The following HIPK3 variants were observed in gnomAD, a reference collection of about 807,000 sequenced individuals.
The protein encoded by HIPK3 is homeodomain interacting protein kinase 3.
A neutral mutation model predicts 124.2 loss-of-function variants in HIPK3; 47 were observed. The ratio of observed to expected loss-of-function variants is 0.38; its 90% CI spans 0.30 to 0.48. The LOEUF is 0.48. Ranked by LOEUF, HIPK3 falls within the 20% of genes least tolerant of loss-of-function variation. The probability of loss-of-function intolerance (pLI) is 0.98; values close to 1 mark genes in which losing one functional copy is unlikely to be tolerated. For synonymous variants in HIPK3, 482 were observed against 515.2 expected, an observed-to-expected ratio of 0.94 and a Z score of 0.87; for missense variants, 1,286 against 1,454.3, an observed-to-expected ratio of 0.88 and a Z score of 1.88.
intron 2 of HIPK3, among the ~76,000 whole-genome samples, chr11:33,321,134 T>G (rs1211655537): frequency 6.6e-6 from 1 of 152,134 alleles, no homozygotes; most frequent in Non-Finnish European, 1.5e-5. Flanking sequence ...AACGAAGAGT[T>G]CTGGTGCCCT....
chr11:33,311,975 T>TACACACACACACACACAC (rs71034672), intron 2 of HIPK3, among the ~76,000 whole-genome samples: 1,446 of 136,918 alleles, frequency 0.011, 17 homozygotes, highest in Middle Eastern at 0.02. Flanking sequence ...ACCCTGTTTC[T>TACACACACACACACACAC]ACACACACAC....
At chr11:33,348,275 G>T (rs777124691) in intron 12 of HIPK3, 47 bp downstream of exon 12, 1 of 1,531,202 alleles carries the variant, frequency 6.5e-7, no homozygotes, top group Non-Finnish European at 9.0e-7. Context: ...TACCTGTAAT[G>T]TAGCAATTGT....
chr11:33,343,247 T>TTG (rs3884092), intron 8 of HIPK3, among the ~76,000 whole-genome samples: 17,949 of 141,292 alleles, frequency 0.13, 1,214 homozygotes, highest in East Asian at 0.16. Context: ...TTATTTGATT[T>TTG]TGTGTGTGTG....
intron 2 of HIPK3, among the ~76,000 whole-genome samples, chr11:33,324,377 A>C (rs1852750378): frequency 6.6e-6 from 1 of 152,234 alleles, no homozygotes; most frequent in Admixed American, 6.5e-5. Context: ...TAGAAAATGC[A>C]TGGCATGCTA....
rs1275863361 is a variant in HIPK3, at chr11:33,335,233, CA to C, written c.1222-1839del. ...GGGCCTGGAGCTCCAGAGCTAGAGC[CA>C]AAGATTGAGGCGCAGATTTAGAGAT... On this transcript the variant is annotated intron_variant, in intron 3 of 16. Transcript: ENST00000303296. Among the ~76,000 whole-genome samples, 4 of 151,900 alleles carry C rather than the reference CA, an allele frequency of 2.6e-5. No homozygotes were observed. In the East Asian group the frequency reaches 7.7e-4, roughly 29 times the overall value.
At chr11:33,305,221 C>T (rs1367055047) in intron 2 of HIPK3, among the ~76,000 whole-genome samples, 4 of 152,110 alleles carry the variant, frequency 2.6e-5, no homozygotes, top group Non-Finnish European at 2.9e-5. Context: ...AGGTTGGTCT[C>T]GAACTCCTGA....
chr11:33,297,235 A>G (rs1590371249), intron 2 of HIPK3, among the ~76,000 whole-genome samples: 1 of 152,164 alleles, frequency 6.6e-6, no homozygotes, highest in East Asian at 1.9e-4. Flanking sequence ...CTGGGATTAC[A>G]GGTGCACACC....
At chr11:33,343,043 G>A (rs1270009951) in intron 8 of HIPK3, among the ~76,000 whole-genome samples, 1 of 152,112 alleles carries the variant, frequency 6.6e-6, no homozygotes, top group African/African-American at 2.4e-5. Context: ...GTCCAACTTA[G>A]TGGTGATACT....
At chr11:33,340,583 C>G (rs1039023469) in intron 6 of HIPK3, among the ~76,000 whole-genome samples, 1 of 152,136 alleles carries the variant, frequency 6.6e-6, no homozygotes, top group African/African-American at 2.4e-5. Context: ...CTTAAAATGT[C>G]CTAATGTTTT....
At chr11:33,280,102 A>T (rs1295392465) in intron 1 of HIPK3, among the ~76,000 whole-genome samples, 11 of 152,332 alleles carry the variant, frequency 7.2e-5, no homozygotes, top group Non-Finnish European at 4.4e-5. Flanking sequence ...AAGGAATGAA[A>T]GCTTAATGGT....
Position 33,289,476 on chromosome 11 carries a change from A to T in HIPK3, c.1097+1965A>T, listed in dbSNP as rs1316776545. ...ATAAAGTGTGTATTAGGAATTAGAA[A>T]TAACAGCCTGATATACCTTTAGTAT... On this transcript the variant is annotated intron_variant, in intron 2 of 16. Transcript: ENST00000303296. Among the ~76,000 whole-genome samples the T allele has an allele frequency of 2.0e-5, 3 of 152,288 alleles. No homozygotes were observed. In the East Asian group the frequency reaches 5.8e-4, roughly 29 times the overall value.
At chr11:33,259,380 T>A (rs994471571) in intron 1 of HIPK3, among the ~76,000 whole-genome samples, 1 of 152,226 alleles carries the variant, frequency 6.6e-6, no homozygotes, top group African/African-American at 2.4e-5. Flanking sequence ...GCAAGTGCAG[T>A]GCTAATTTTA....
At chr11:33,268,392 CA>C (rs1043135434) in intron 1 of HIPK3, among the ~76,000 whole-genome samples, 44 of 151,850 alleles carry the variant, frequency 2.9e-4, no homozygotes, top group African/African-American at 1.1e-3. Context: ...GCCAGGAGTT[CA>C]AGACCAGCCT....
At chr11:33,343,307 G>A (rs183473441) in intron 8 of HIPK3, among the ~76,000 whole-genome samples, 1 of 150,264 alleles carries the variant, frequency 6.7e-6, no homozygotes, top group Non-Finnish European at 1.5e-5. Flanking sequence ...TTGAGATAGT[G>A]TCTTGCTCTG....
intron 2 of HIPK3, among the ~76,000 whole-genome samples, chr11:33,288,970 C>T (rs567857346): frequency 1.6e-4 from 24 of 152,162 alleles, no homozygotes; most frequent in African/African-American, 5.1e-4. Flanking sequence ...TATTCTGATA[C>T]TGCATTTGCC....
At chr11:33,306,989 A>G (rs1286827260) in intron 2 of HIPK3, among the ~76,000 whole-genome samples, 1 of 141,086 alleles carries the variant, frequency 7.1e-6, no homozygotes, top group African/African-American at 2.7e-5. Flanking sequence ...CCCAGGCTGG[A>G]GTCCAGCGGT....
chr11:33,257,397 G>C lies in HIPK3; in HGVS notation c.-495G>C, dbSNP rs1850693692. ...GGGGCGGCTGGTGGCAGCTGCCTCAGTGACGACTGCCGGCATCGCGGCGAC... is the reference window on the plus strand; with the variant it reads ...GGGGCGGCTGGTGGCAGCTGCCTCACTGACGACTGCCGGCATCGCGGCGAC... On this transcript the variant is annotated 5_prime_UTR_variant, in exon 1 of 17. Transcript: ENST00000303296. The C allele has an allele frequency of 1.0e-6, 1 of 985,180 alleles. No homozygotes were observed. Among genetic ancestry groups the C allele is most frequent in the Non-Finnish European group, 1.2e-6 (1 of 829,826 alleles). The allele number at this position is 985,180 out of a possible 1,614,324, so 61.0% of individuals were successfully genotyped here.
intron 1 of HIPK3, among the ~76,000 whole-genome samples, chr11:33,267,643 G>A (rs547213036): frequency 2.0e-5 from 3 of 151,556 alleles, no homozygotes; most frequent in Admixed American, 6.6e-5. Flanking sequence ...CTAGGCTCCC[G>A]CCACCACGCC....
chr11:33,267,360 A>G (rs1484894501), intron 1 of HIPK3, among the ~76,000 whole-genome samples: 5 of 151,912 alleles, frequency 3.3e-5, no homozygotes, highest in Middle Eastern at 6.8e-3. Context: ...TGATCCGCCC[A>G]CCTTTGCCTC....
Sources: gnomAD v4.1 joint callset for allele counts (sites outside exome capture counted in the v4.1 genomes callset) on GRCh38, gnomAD v4.1.1 for gene constraint, MANE v1.5 for transcripts, NCBI Gene and HGNC (gene_info 2026-07-23, HGNC 2026-07-21) for gene names.